PCDHB15: variants seen among roughly 807,000 people sequenced by gnomAD.
PCDHB15 encodes the protein protocadherin beta 15.
For synonymous variants in PCDHB15, 492 were observed against 447.9 expected (o/e 1.10, Z -1.24); for missense variants, 1,032 against 991.7 (o/e 1.04, Z -0.55).
Position 141,247,013 on chromosome 5 carries a change from G to T in PCDHB15, c.1435G>T (p.Asp479Tyr). The T allele has an allele frequency of 6.2e-7, 1 of 1,613,512 alleles. No homozygotes were observed. Among genetic ancestry groups the T allele is most frequent in the Non-Finnish European group, 8.5e-7 (1 of 1,180,026 alleles). ...CGGCAGTGTCAGCGCCACAGACAGA[G>T]ACTCGGGCACCAACGCCCAGGTCAC... is the stretch of plus-strand genomic sequence containing the variant. ...HIGSVSATDR[D>Y]SGTNAQVTYS... Residue 479 changes from aspartate (D) to tyrosine (Y), a missense_variant, in exon 1 of 1, where the codon GAC becomes TAC. By Grantham distance (160) the Asp-to-Tyr change is radical. Transcript: ENST00000231173.
In PCDHB15 at chr5:141,247,030, C is replaced by T. The variant is rs1755285599; in HGVS notation, c.1452C>T (p.Ala484=). The T allele has an allele frequency of 1.2e-6, 2 of 1,613,550 alleles. No homozygotes were observed. The highest frequency in any genetic ancestry group is 1.7e-6 in the Non-Finnish European group (2 of 1,180,046). ...SATDRDSGTN[A]QVTYSLLPPR... is the part of the protein sequence containing the mutation. ...CAGACAGAGACTCGGGCACCAACGC[C>T]CAGGTCACCTACTCGCTGCTGCCGC... Residue 484 remains alanine, a synonymous_variant, in exon 1 of 1, where the codon GCC becomes GCT. Transcript: ENST00000231173.
rs1199349718 is a variant in PCDHB15 at position 141,245,783 on chromosome 5, G to A, written c.205G>A (p.Glu69Lys). ...CGAGCGGGGAGCCCGGGTAGTTTCT[G>A]AGGATAACGAACAAGGCTTGCAGCT... ...LAERGARVVS[E>K]DNEQGLQLDL... Residue 69 changes from glutamate to lysine, a missense_variant, in exon 1 of 1, where the codon GAG (glutamate) becomes AAG (lysine). By Grantham distance (56) the Glu-to-Lys change is moderately conservative. Transcript: ENST00000231173. 1.2e-6 allele frequency: 2 copies of A among 1,614,096 alleles called. No homozygotes were observed. The highest frequency in any genetic ancestry group is 2.7e-5 in the African/African-American group (2 of 74,938).
rs782415894 is a variant in PCDHB15 at position 141,247,507 on chromosome 5, G to T, written c.1929G>T (p.Leu643=). Residue 643 remains leucine, a synonymous_variant, in exon 1 of 1, where the codon CTG becomes CTT. Transcript: ENST00000231173. ...RDVAKHRLVV[L]VKDNGEPPRS... ...TGGCCAAGCACAGGCTAGTGGTGCT[G>T]GTCAAGGACAATGGCGAGCCTCCGC... The T allele has an allele frequency of 3.1e-6, 5 of 1,608,936 alleles. No individual in the cohort carries two copies. Among genetic ancestry groups the T allele is most frequent in the Non-Finnish European group, 4.2e-6 (5 of 1,179,740 alleles).
In PCDHB15 at chr5:141,246,877, C is replaced by T. The variant is rs1755277805; in HGVS notation, c.1299C>T (p.Thr433=). 11 of 1,613,994 alleles carry T rather than the reference C, an allele frequency of 6.8e-6. No individual in the cohort carries two copies. The African/African-American group carries it at 1.1e-4, about 16-fold the overall frequency. The change falls in exon 1 of 1, where the codon ACC becomes ACT. Residue 433 remains threonine, a synonymous_variant. Transcript: ENST00000231173. ...ITDLGTPRLK[T]EQSITVLVSD... is the part of the protein sequence containing the mutation. ...ACTTGGGGACTCCAAGGCTGAAAAC[C>T]GAGCAGAGCATAACCGTGCTGGTGT...
In PCDHB15 at chr5:141,246,366, A is replaced by G; in HGVS notation, c.788A>G (p.Lys263Arg). 6.2e-7 allele frequency: 1 copy of G among 1,614,098 alleles called. No individual in the cohort carries two copies. The highest frequency in any genetic ancestry group is 8.5e-7 in the Non-Finnish European group (1 of 1,179,956). The change falls in exon 1 of 1, where the codon AAG becomes AGG. Residue 263 changes from lysine (K) to arginine (R), a missense_variant. Lys to Arg is a conservative substitution (Grantham distance 26). Coordinates refer to ENST00000231173, the MANE Select transcript of PCDHB15 (RefSeq NM_018935.4). The part of the protein sequence containing the change: ...ENSPVGSLVV[K>R]VSARDLDTGT... Reference sequence around the variant, plus strand: ...AGCCCAGTAGGCTCCCTAGTTGTCAAGGTCTCTGCTAGGGATTTAGACACT... The same window carrying G: ...AGCCCAGTAGGCTCCCTAGTTGTCAGGGTCTCTGCTAGGGATTTAGACACT...
rs201438846 is a variant in PCDHB15, at chr5:141,246,882, A to T, written c.1304A>T (p.Gln435Leu). The T allele has an allele frequency of 7.7e-5, 125 of 1,614,126 alleles. No individual in the cohort carries two copies. The highest frequency in any genetic ancestry group is 1.2e-4 in the Admixed American group (7 of 60,038). ...DLGTPRLKTE[Q>L]SITVLVSDVN... ...GGGACTCCAAGGCTGAAAACCGAGC[A>T]GAGCATAACCGTGCTGGTGTCGGAC... is the stretch of plus-strand genomic sequence containing the variant. Residue 435 changes from glutamine (Q) to leucine (L), a missense_variant, in exon 1 of 1, where the codon CAG becomes CTG. Coordinates refer to ENST00000231173, the MANE Select transcript of PCDHB15 (RefSeq NM_018935.4).
At position 141,247,497 on chromosome 5, in the gene PCDHB15, T is replaced by C; in HGVS notation, c.1919T>C (p.Leu640Pro). 3 of 1,608,984 alleles carry C rather than the reference T, an allele frequency of 1.9e-6. No homozygotes were observed. The highest frequency in any genetic ancestry group is 2.5e-6 in the Non-Finnish European group (3 of 1,179,718). Reference sequence around the variant, plus strand: ...GAGCGCGACGTGGCCAAGCACAGGCTAGTGGTGCTGGTCAAGGACAATGGC... The same window carrying C: ...GAGCGCGACGTGGCCAAGCACAGGCCAGTGGTGCTGGTCAAGGACAATGGC... ...LSERDVAKHR[L>P]VVLVKDNGEP... The change falls in exon 1 of 1, where the codon CTA (leucine) becomes CCA (proline). Residue 640 changes from leucine (L) to proline (P), a missense_variant. Leu to Pro is a moderately conservative substitution (Grantham distance 98, BLOSUM62 -3). Transcript: ENST00000231173.
chr5:141,246,976 C>G lies in PCDHB15; in HGVS notation c.1398C>G (p.Pro466=). The G allele has an allele frequency of 6.2e-7, 1 of 1,613,340 alleles. No homozygotes were observed. Among genetic ancestry groups the G allele is most frequent in the South Asian group, 1.1e-5 (1 of 91,044 alleles). The change falls in exon 1 of 1, where the codon CCC becomes CCG. Residue 466 remains proline (P), a synonymous_variant. Transcript: ENST00000231173. ...TGTTCGTCCGCGAGAACAACAGCCC[C>G]GCCCTGCACATCGGCAGTGTCAGCG... is the stretch of plus-strand genomic sequence containing the variant. ...YTLFVRENNS[P]ALHIGSVSAT... is the part of the protein sequence containing the mutation.
chr5:141,247,538 G>T lies in PCDHB15; in HGVS notation c.1960G>T (p.Ala654Ser). Residue 654 changes from alanine to serine, a missense_variant, in exon 1 of 1, where the codon GCC becomes TCC. By Grantham distance (99) the Ala-to-Ser change is moderately conservative. Transcript: ENST00000231173. Reference sequence around the variant, plus strand: ...GGACAATGGCGAGCCTCCGCGCTCGGCCACCGCCACGCTGCAAGTGCTCCT... The same window carrying T: ...GGACAATGGCGAGCCTCCGCGCTCGTCCACCGCCACGCTGCAAGTGCTCCT... The part of the protein sequence containing the change: ...VKDNGEPPRS[A>S]TATLQVLLVD... 6.2e-7 allele frequency: 1 copy of T among 1,608,384 alleles called. No homozygotes were observed. Among genetic ancestry groups the T allele is most frequent in the African/African-American group, 1.3e-5 (1 of 75,002 alleles).
At position 141,246,852 on chromosome 5, in the gene PCDHB15, A is replaced by T. The variant is rs1755276869; in HGVS notation, c.1274A>T (p.Asp425Val). 3 of 1,614,100 alleles carry T rather than the reference A, an allele frequency of 1.9e-6. No individual in the cohort carries two copies. The highest frequency in any genetic ancestry group is 1.7e-6 in the Non-Finnish European group (2 of 1,180,022). The change falls in exon 1 of 1, where the codon GAC (aspartate) becomes GTC (valine). Residue 425 changes from aspartate (D) to valine (V), a missense_variant. Asp to Val is a radical substitution (Grantham distance 152, BLOSUM62 -3). Transcript: ENST00000231173. The part of the protein sequence containing the change: ...AEYNITITIT[D>V]LGTPRLKTEQ... ...TACAACATCACCATCACCATCACAG[A>T]CTTGGGGACTCCAAGGCTGAAAACC...
chr5:141,245,614 GCAAGTC>G lies in PCDHB15; in HGVS notation c.38_43del (p.Gln13_Val14del), dbSNP rs781865026. ...CAGGGGAGCGCTTTCCCGAACAAAG[GCAAGTC>G]CTGATTCTCCTTCTTTTACTGGAAG... On this transcript the variant is annotated inframe_deletion, in exon 1 of 1. Transcript: ENST00000231173. 2 of 1,614,214 alleles carry G rather than the reference GCAAGTC, an allele frequency of 1.2e-6. No homozygotes were observed. The highest frequency in any genetic ancestry group is 3.3e-5 in the Admixed American group (2 of 60,026).
Position 141,246,691 on chromosome 5 carries a change from A to G in PCDHB15, c.1113A>G (p.Arg371=). The change falls in exon 1 of 1, where the codon AGA becomes AGG. Residue 371 remains arginine (R), a synonymous_variant. Transcript: ENST00000231173. ...PETEVALFRI[R]DRDSGENGKM... is the part of the protein sequence containing the mutation. ...CAGAAGTGGCCCTGTTTAGGATTAG[A>G]GACCGAGACTCTGGGGAAAATGGAA... The G allele has an allele frequency of 6.2e-7, 1 of 1,614,140 alleles. No individual in the cohort carries two copies. Among genetic ancestry groups the G allele is most frequent in the Non-Finnish European group, 8.5e-7 (1 of 1,180,008 alleles).
rs782718695 is a variant in PCDHB15 at position 141,246,219 on chromosome 5, C to A, written c.641C>A (p.Ala214Glu). 6.2e-7 allele frequency: 1 copy of A among 1,614,154 alleles called. No homozygotes were observed. The highest frequency in any genetic ancestry group is 8.5e-7 in the Non-Finnish European group (1 of 1,180,014). The change falls in exon 1 of 1, where the codon GCG becomes GAG. Residue 214 changes from alanine to glutamate, a missense_variant. Physicochemically the swap from Ala to Glu is moderately radical, Grantham distance 107 (BLOSUM62 -1). Coordinates refer to ENST00000231173, the MANE Select transcript of PCDHB15 (RefSeq NM_018935.4). ...GCCGAGCTCAGATTAACCTTGACAGCGGTGGACGGTGGCTCTCCACCCCGA... is the reference window on the plus strand; with the variant it reads ...GCCGAGCTCAGATTAACCTTGACAGAGGTGGACGGTGGCTCTCCACCCCGA... ...EQAELRLTLT[A>E]VDGGSPPRSG...
Position 141,246,467 on chromosome 5 carries a change from C to T in PCDHB15, c.889C>T (p.Leu297Phe), listed in dbSNP as rs782190221. 6.2e-7 allele frequency: 1 copy of T among 1,614,162 alleles called. No individual in the cohort carries two copies. The change falls in exon 1 of 1, where the codon CTT becomes TTT. Residue 297 changes from leucine to phenylalanine, a missense_variant. Transcript: ENST00000231173. Reference protein sequence around the residue: ...EIDKPFELSSLSGEIRLIKKL... With the variant: ...EIDKPFELSSFSGEIRLIKKL... ...AGACAAACCTTTTGAGCTAAGCAGCCTTTCAGGAGAAATTCGACTAATTAA... is the reference window on the plus strand; with the variant it reads ...AGACAAACCTTTTGAGCTAAGCAGCTTTTCAGGAGAAATTCGACTAATTAA...
Position 141,247,050 on chromosome 5 carries a change from T to G in PCDHB15, c.1472T>G (p.Leu491Arg). The G allele has an allele frequency of 6.2e-7, 1 of 1,613,738 alleles. No individual in the cohort carries two copies. Among genetic ancestry groups the G allele is most frequent in the Non-Finnish European group, 8.5e-7 (1 of 1,180,018 alleles). ...AACGCCCAGGTCACCTACTCGCTGC[T>G]GCCGCCCCGGGACCCGCACCTGCCC... ...GTNAQVTYSL[L>R]PPRDPHLPLT... is the part of the protein sequence containing the mutation. Residue 491 changes from leucine (L) to arginine (R), a missense_variant, in exon 1 of 1, where the codon CTG becomes CGG. By Grantham distance (102) the Leu-to-Arg change is moderately radical. Transcript: ENST00000231173.
At position 141,245,401 on chromosome 5, in the gene PCDHB15, C is replaced by G. The variant is rs1443266233; in HGVS notation, c.-178C>G. 6 of 593,224 alleles carry G rather than the reference C, an allele frequency of 1.0e-5. No individual in the cohort carries two copies. In the East Asian group the frequency reaches 1.7e-4, roughly 16 times the overall value. The allele number at this position is 593,224 out of a possible 1,614,324, so 36.7% of individuals were successfully genotyped here. A position where few individuals can be genotyped will look rare whatever the true frequency, so the allele number is the denominator to read the frequency against. ...AAATGCTACTAGCTACTTCAGACCTCTTTCAGCCTAAGAGGAAAGCCTGTT... is the reference window on the plus strand; with the variant it reads ...AAATGCTACTAGCTACTTCAGACCTGTTTCAGCCTAAGAGGAAAGCCTGTT... On this transcript the variant is annotated 5_prime_UTR_variant, in exon 1 of 1. Coordinates refer to ENST00000231173, the MANE Select transcript of PCDHB15 (RefSeq NM_018935.4).
In PCDHB15 at chr5:141,245,682, T is replaced by C. The variant is rs1192253537; in HGVS notation, c.104T>C (p.Val35Ala). 2.5e-6 allele frequency: 4 copies of C among 1,614,002 alleles called. No homozygotes were observed. In the Admixed American group the frequency reaches 6.7e-5, roughly 27 times the overall value. Reference sequence around the variant, plus strand: ...GGCTGGGAACCCCGTCGCTATTCTGTGATGGAGGAAACAGAGAGAGGTTCT... The same window carrying C: ...GGCTGGGAACCCCGTCGCTATTCTGCGATGGAGGAAACAGAGAGAGGTTCT... ...LAGWEPRRYS[V>A]MEETERGSFV... The change falls in exon 1 of 1, where the codon GTG becomes GCG. Residue 35 changes from valine to alanine, a missense_variant. Transcript: ENST00000231173.
chr5:141,248,091 T>C lies in PCDHB15; in HGVS notation c.*149T>C. 1 of 629,674 alleles carries C rather than the reference T, an allele frequency of 1.6e-6. No homozygotes were observed. The allele number at this position is 629,674 out of a possible 1,614,324, so 39.0% of individuals were successfully genotyped here. ...AGTAATGTTACTCATTTCCTTTGTC[T>C]GATTGTTAGTTTTCAAATTATTGTA... On this transcript the variant is annotated 3_prime_UTR_variant, in exon 1 of 1. Coordinates refer to ENST00000231173, the MANE Select transcript of PCDHB15 (RefSeq NM_018935.4).
rs782720910 is a variant in PCDHB15, at chr5:141,245,735, G to A, written c.157G>A (p.Gly53Arg). The A allele has an allele frequency of 7.4e-6, 12 of 1,614,102 alleles. No individual in the cohort carries two copies. The highest frequency in any genetic ancestry group is 2.7e-5 in the African/African-American group (2 of 74,936). ...SFVANLANDL[G>R]LGVGELAERG... Reference sequence around the variant, plus strand: ...TGTAGCCAACCTGGCCAATGACCTAGGGCTGGGAGTGGGGGAGCTAGCCGA... The same window carrying A: ...TGTAGCCAACCTGGCCAATGACCTAAGGCTGGGAGTGGGGGAGCTAGCCGA... Residue 53 changes from glycine to arginine, a missense_variant, in exon 1 of 1, where the codon GGG (glycine) becomes AGG (arginine). Transcript: ENST00000231173.
Sources: gnomAD v4.1 joint callset for allele counts on GRCh38, gnomAD v4.1.1 for gene constraint, MANE v1.5 for transcripts, NCBI Gene and HGNC (gene_info 2026-07-23, HGNC 2026-07-21) for gene names.